Variants in EIF2S2 observed in about 807,000 individuals in gnomAD.
The protein encoded by EIF2S2 is eukaryotic translation initiation factor 2 subunit 2.
In EIF2S2, 4 loss-of-function variants were observed where a neutral mutation model predicts 44.0. The observed-to-expected ratio is 0.09, with a 90% CI of 0.04 to 0.21. The LOEUF is 0.21. EIF2S2 is among the 10% of genes least tolerant of loss of function. The probability of loss-of-function intolerance (pLI) is 1.00; values close to 1 mark genes in which losing one functional copy is unlikely to be tolerated. For missense variants in EIF2S2, 154 were observed against 392.0 expected (o/e 0.39, Z 5.13); for synonymous variants, 108 against 128.3 (o/e 0.84, Z 1.07).
At chr20:34,097,311 C>T in intron 5 of EIF2S2, 105 bp downstream of exon 5, 1 of 950,462 alleles carries the variant, frequency 1.1e-6, no homozygotes, top group Non-Finnish European at 1.6e-6. Flanking sequence ...GCATCTGTTC[C>T]ACCATCAGTC....
chr20:34,092,009 T>C (rs1481392817), intron 7 of EIF2S2, among the ~76,000 whole-genome samples: 2 of 152,136 alleles, frequency 1.3e-5, no homozygotes, highest in Non-Finnish European at 2.9e-5. Flanking sequence ...ACAGGCACTT[T>C]TGAGAAAGCA....
intron 1 of EIF2S2, among the ~76,000 whole-genome samples, chr20:34,108,564 T>C (rs1378845671): frequency 1.3e-5 from 2 of 152,210 alleles, no homozygotes; most frequent in East Asian, 3.8e-4. Flanking sequence ...ATGAAACTAG[T>C]TTGGATTTGA....
rs748308407 is a variant in EIF2S2 at position 34,112,082 on chromosome 20, G to A, written c.15+14C>T. ...CCTCAATCCTTAGCCCTTACGCCGG[G>A]CTCAGATCCTCACCTCGTCCCCAGA... On this transcript the variant is annotated intron_variant, in intron 1 of 8. Coordinates refer to ENST00000374980, the MANE Select transcript of EIF2S2 (RefSeq NM_003908.5). 3.2e-6 allele frequency: 5 copies of A among 1,554,468 alleles called. No homozygotes were observed. Among genetic ancestry groups the A allele is most frequent in the African/African-American group, 2.7e-5 (2 of 73,638 alleles).
chr20:34,098,472 A>G (rs2034257719), intron 4 of EIF2S2, 26 bp downstream of exon 4: 3 of 1,611,058 alleles, frequency 1.9e-6, no homozygotes, highest in African/African-American at 2.7e-5. Context: ...TAACCTCTAA[A>G]TGTGCTGCTG....
At chr20:34,099,548 A>G (rs2034272413) in intron 3 of EIF2S2, among the ~76,000 whole-genome samples, 1 of 152,144 alleles carries the variant, frequency 6.6e-6, no homozygotes, top group Non-Finnish European at 1.5e-5. Flanking sequence ...AATGCCAGTT[A>G]GGTGTCCTCC....
chr20:34,090,441 A>G, intron 8 of EIF2S2, 76 bp downstream of exon 8: 1 of 908,742 alleles, frequency 1.1e-6, no homozygotes, highest in Non-Finnish European at 1.6e-6. Context: ...CACTGCAATC[A>G]AATGGCTCTT....
At position 34,097,457 on chromosome 20, in the gene EIF2S2, G is replaced by A. The variant is rs2034242820; in HGVS notation, c.493C>T (p.Pro165Ser). 1.2e-6 allele frequency: 2 copies of A among 1,613,362 alleles called. No individual in the cohort carries two copies. The highest frequency in any genetic ancestry group is 1.3e-5 in the African/African-American group (1 of 74,822). The change falls in exon 5 of 9, where the codon CCT becomes TCT. Residue 165 changes from proline to serine, a missense_variant. Physicochemically the swap from Pro to Ser is moderately conservative, Grantham distance 74. Around this residue, in one of 2 missense-constraint regions of EIF2S2, gnomAD observed 134 missense variants for 225.0 expected, o/e 0.60. Transcript: ENST00000374980. ...DGISFSNQTG[P>S]AWAGSERDYT... ...TCTCTTTCTGAGCCTGCCCAAGCAG[G>A]GCCTGTCTGATTACTGAATGAGATA... is the stretch of plus-strand genomic sequence containing the variant.
intron 1 of EIF2S2, among the ~76,000 whole-genome samples, chr20:34,107,570 A>C (rs894437731): frequency 6.6e-6 from 1 of 152,244 alleles, no homozygotes; most frequent in African/African-American, 2.4e-5. Context: ...TGTAATTTAT[A>C]TAATACTTTA....
intron 3 of EIF2S2, among the ~76,000 whole-genome samples, chr20:34,099,128 G>A (rs902529712): frequency 2.6e-5 from 4 of 152,220 alleles, no homozygotes; most frequent in East Asian, 1.9e-4. Flanking sequence ...CCAGCACTTT[G>A]GGACGTCGAG....
In EIF2S2 at chr20:34,097,521, A is replaced by G; in HGVS notation, c.434-5T>C. The stretch of plus-strand genomic sequence containing the variant: ...TGTTGTCTTCATCTTCTAGAGCTAC[A>G]GATAAAAAAGATTTTAAGAATGAGG... On this transcript the variant is annotated splice_region_variant and splice_polypyrimidine_tract_variant and intron_variant, in intron 4 of 8. Coordinates refer to ENST00000374980, the MANE Select transcript of EIF2S2 (RefSeq NM_003908.5). The G allele has an allele frequency of 6.2e-7, 1 of 1,611,082 alleles. No individual in the cohort carries two copies. Among genetic ancestry groups the G allele is most frequent in the South Asian group, 1.1e-5 (1 of 91,058 alleles).
At position 34,095,035 on chromosome 20, in the gene EIF2S2, T is replaced by C. The variant is rs527717692; in HGVS notation, c.684-1304A>G. On this transcript the variant is annotated intron_variant, in intron 6 of 8. Transcript: ENST00000374980. ...AATTTCATCTTGCCTTAAGATTCTATTCTGAGCTACTGGAAAGATACATGT... is the reference window on the plus strand; with the variant it reads ...AATTTCATCTTGCCTTAAGATTCTACTCTGAGCTACTGGAAAGATACATGT... 5.3e-5 allele frequency among the ~76,000 whole-genome samples: 8 copies of C among 152,328 alleles called. 1 individual carries two copies. The South Asian group carries it at 1.7e-3, about 32-fold the overall frequency.
At chr20:34,100,164 G>A (rs983015789) in intron 3 of EIF2S2, among the ~76,000 whole-genome samples, 3 of 152,118 alleles carry the variant, frequency 2.0e-5, no homozygotes, top group Non-Finnish European at 4.4e-5. Context: ...AGAGGCGCAC[G>A]CCACCACACC....
At chr20:34,101,195 A>T (rs1275522022) in intron 3 of EIF2S2, among the ~76,000 whole-genome samples, 1 of 152,224 alleles carries the variant, frequency 6.6e-6, no homozygotes, top group Non-Finnish European at 1.5e-5. Context: ...CTGTCATCCC[A>T]GCACTTTGGG....
At chr20:34,097,656 G>T (rs577116014) in intron 4 of EIF2S2, 140 bp from the exon 5 acceptor site, 2 of 648,382 alleles carry the variant, frequency 3.1e-6, no homozygotes, top group Non-Finnish European at 5.2e-6. Flanking sequence ...TAAGCATAAA[G>T]AAACCAAAGC....
chr20:34,097,076 A>G (rs1365896843), intron 5 of EIF2S2, among the ~76,000 whole-genome samples: 3 of 152,220 alleles, frequency 2.0e-5, no homozygotes, highest in Non-Finnish European at 4.4e-5. Flanking sequence ...GATACATGGA[A>G]AAGTAAGATT....
At chr20:34,094,200 C>T (rs2034200955) in intron 6 of EIF2S2, among the ~76,000 whole-genome samples, 1 of 152,176 alleles carries the variant, frequency 6.6e-6, no homozygotes, top group Non-Finnish European at 1.5e-5. Flanking sequence ...CACTTGTTTA[C>T]ACTTCAATGC....
At chr20:34,101,961 C>T (rs1224676929) in intron 3 of EIF2S2, among the ~76,000 whole-genome samples, 3 of 152,260 alleles carry the variant, frequency 2.0e-5, no homozygotes, top group Admixed American at 6.5e-5. Flanking sequence ...AGGCATGAGA[C>T]AGCACGTCCA....
At chr20:34,103,360 A>G (rs1251412590) in intron 3 of EIF2S2, 102 bp downstream of exon 3, 2 of 1,425,608 alleles carry the variant, frequency 1.4e-6, no homozygotes, top group Non-Finnish European at 9.3e-7. Flanking sequence ...TGCTAATAAC[A>G]AAAGCAAAGC....
chr20:34,109,647 C>T (rs1188072347), intron 1 of EIF2S2, among the ~76,000 whole-genome samples: 2 of 151,692 alleles, frequency 1.3e-5, no homozygotes, highest in Non-Finnish European at 1.5e-5. Context: ...GAAACAAGAG[C>T]GAGACCCTGT....
Sources: gnomAD v4.1 joint callset for allele counts (sites outside exome capture counted in the v4.1 genomes callset) on GRCh38, gnomAD v4.1.1 for gene constraint, gnomAD v4.1.1 regional missense constraint, MANE v1.5 for transcripts, NCBI Gene and HGNC (gene_info 2026-07-23, HGNC 2026-07-21) for gene names.